Variants in FLNA observed in about 807,000 individuals in gnomAD.
FLNA encodes the protein filamin-A.
FLNA carries 7 observed loss-of-function variants against 157.6 expected under a neutral mutation model. That is an observed-to-expected ratio of 0.04 (90% confidence interval 0.03 to 0.08). FLNA has a LOEUF of 0.08. Among genes scored for constraint, FLNA ranks in the 10% least tolerant of loss-of-function variants. The pLI is 1.00. For synonymous variants in FLNA, 1,103 were observed against 1,060.8 expected, an observed-to-expected ratio of 1.04 and a Z score of -0.77; for missense variants, 1,750 against 2,398.4, an observed-to-expected ratio of 0.73 and a Z score of 5.65.
At chrX:154,355,099 G>C in intron 30 of FLNA, 27 bp from the exon 31 acceptor site, 2 of 1,193,183 alleles carry the variant, frequency 1.7e-6, no homozygotes, top group Admixed American at 2.2e-5. Context: ...GGTCCCCAAA[G>C]GGGGGCCAGC....
At position 154,371,058 on chromosome X, in the gene FLNA, C is replaced by T; in HGVS notation, c.188G>A (p.Arg63His). 2 of 1,204,558 alleles carry T rather than the reference C, an allele frequency of 1.7e-6. No homozygotes were observed. The highest frequency in any genetic ancestry group is 2.2e-6 in the Non-Finnish European group (2 of 891,648). Residue 63 changes from arginine (R) to histidine (H), a missense_variant, in exon 2 of 48, where the codon CGC becomes CAC. This residue lies in a region of FLNA where 71 missense variants were observed against 239.5 expected (regional missense o/e 0.30). Coordinates refer to ENST00000369850, the MANE Select transcript of FLNA (RefSeq NM_001110556.2). Reference sequence around the variant, plus strand: ...CAGGTCCGTCTGCAGGTTGGCGATGCGCTTGCTCACGCACTTCAGGTGCTC... The same window carrying T: ...CAGGTCCGTCTGCAGGTTGGCGATGTGCTTGCTCACGCACTTCAGGTGCTC... ...CNEHLKCVSK[R>H]IANLQTDLSD...
At chrX:154,361,088 A>AAAAAAAAAAAAAAAAAAAAAAAAAAC (rs2067706266) in intron 21 of FLNA, among the ~76,000 whole-genome samples, 1 of 100,923 alleles carries the variant, frequency 9.9e-6, no homozygotes, top group Non-Finnish European at 2.0e-5. Context: ...AAGAAAGAAA[A>AAAAAAAAAAAAAAAAAAAAAAAAAAC]AAAAAAAAAA....
Position 154,352,813 on chromosome X carries a change from T to C in FLNA, c.6338A>G (p.Asn2113Ser), listed in dbSNP as rs1057518479. The C allele has an allele frequency of 9.1e-6, 11 of 1,210,659 alleles. No homozygotes were observed. Among genetic ancestry groups the C allele is most frequent in the Non-Finnish European group, 1.1e-5 (10 of 895,250 alleles). Residue 2113 changes from asparagine (N) to serine (S), a missense_variant, in exon 39 of 48, where the codon AAC becomes AGC. Physicochemically the swap from Asn to Ser is conservative, Grantham distance 46. Coordinates refer to ENST00000369850, the MANE Select transcript of FLNA (RefSeq NM_001110556.2). ...RVTYCPTEPG[N>S]YIINIKFADQ... ...GGCAAACTTGATGTTGATGATGTAG[T>C]TGCCTGGCTCTGTGGGGCAGTAGGT...
chrX:154,357,528 G>A lies in FLNA; in HGVS notation c.4851C>T (p.Thr1617=), dbSNP rs782766492. 2.5e-6 allele frequency: 3 copies of A among 1,211,473 alleles called. No homozygotes were observed. Among genetic ancestry groups the A allele is most frequent in the Non-Finnish European group, 3.4e-6 (3 of 894,813 alleles). Residue 1617 remains threonine (T), a synonymous_variant, in exon 29 of 48, where the codon ACC becomes ACT. Coordinates refer to ENST00000369850, the MANE Select transcript of FLNA (RefSeq NM_001110556.2). ...AYVPDVTGRY[T]ILIKYGGDEI... is the part of the protein sequence containing the mutation. The stretch of plus-strand genomic sequence containing the variant: ...CGTCACCACCGTACTTGATGAGGAT[G>A]GTGTAGCGACCTGTCACGTCTGGCA...
At position 154,365,443 on chromosome X, in the gene FLNA, C is replaced by T. The variant is rs782591557; in HGVS notation, c.1473G>A (p.Gln491=). 3 of 1,210,529 alleles carry T rather than the reference C, an allele frequency of 2.5e-6. No individual in the cohort carries two copies. In the African/African-American group the frequency reaches 5.2e-5, roughly 21 times the overall value. ...TCTCCTTCACCCGCACACCCTTGGG[C>T]TGGAGGCCCCGGCCAACCGCCCGGC... ...SACRAVGRGL[Q]PKGVRVKETA... The change falls in exon 10 of 48, where the codon CAG becomes CAA. Residue 491 remains glutamine, a synonymous_variant. Transcript: ENST00000369850.
chrX:154,357,417 A>G lies in FLNA; in HGVS notation c.4945+17T>C, dbSNP rs1272183359. The G allele has an allele frequency of 8.3e-7, 1 of 1,203,815 alleles. No individual in the cohort carries two copies. The highest frequency in any genetic ancestry group is 1.1e-6 in the Non-Finnish European group (1 of 890,062). On this transcript the variant is annotated intron_variant, in intron 29 of 47. Coordinates refer to ENST00000369850, the MANE Select transcript of FLNA (RefSeq NM_001110556.2). ...CCCGTGCCGAGCGCCGCAGCGGCCA[A>G]CAGCGGGCGGGCTCACCTGTGACAG...
intron 1 of FLNA, among the ~76,000 whole-genome samples, chrX:154,372,887 C>T (rs1293491705): frequency 1.8e-5 from 2 of 112,479 alleles, no homozygotes; most frequent in Admixed American, 1.9e-4. Context: ...TGGGTGTCTA[C>T]ATGACACGTG....
intron 2 of FLNA, among the ~76,000 whole-genome samples, chrX:154,369,632 A>G (rs2067789836): frequency 9.0e-6 from 1 of 111,033 alleles, no homozygotes; most frequent in Admixed American, 9.4e-5. Flanking sequence ...GCCAGCTCAC[A>G]AGGAGGAGGG....
chrX:154,353,818 C>T lies in FLNA; in HGVS notation c.5687-91G>A. 4.2e-6 allele frequency: 5 copies of T among 1,192,448 alleles called. No individual in the cohort carries two copies. In the South Asian group the frequency reaches 7.1e-5, roughly 17 times the overall value. On this transcript the variant is annotated intron_variant, in intron 35 of 47. Coordinates refer to ENST00000369850, the MANE Select transcript of FLNA (RefSeq NM_001110556.2). ...AGCTCCGATGGCCAGGGCAGCAGGG[C>T]AGGGAGCCCCATTCAGGAGTATCTC...
Position 154,351,887 on chromosome X carries a change from G to A in FLNA, c.6904C>T (p.Pro2302Ser), listed in dbSNP as rs201008265. 1 of 1,211,318 alleles carries A rather than the reference G, an allele frequency of 8.3e-7. No homozygotes were observed. Among genetic ancestry groups the A allele is most frequent in the Non-Finnish European group, 1.1e-6 (1 of 895,350 alleles). Residue 2302 changes from proline (P) to serine (S), a missense_variant, in exon 42 of 48, where the codon CCA becomes TCA. Transcript: ENST00000369850. ...SCGVAYVVQE[P>S]GDYEVSVKFN... ...ACCCCAGCCGGGTTCCCAGTACCTG[G>A]CTCCTGGACCACATAAGCCACACCA...
At position 154,359,017 on chromosome X, in the gene FLNA, C is replaced by T. The variant is rs782170730; in HGVS notation, c.4441G>A (p.Ala1481Thr). 4.1e-6 allele frequency: 5 copies of T among 1,210,054 alleles called. No individual in the cohort carries two copies. Among genetic ancestry groups the T allele is most frequent in the African/African-American group, 1.7e-5 (1 of 57,445 alleles). Reference protein sequence around the residue: ...FQVDTSKAGVAPLQVKVQGPK... With the variant: ...FQVDTSKAGVTPLQVKVQGPK... Reference sequence around the variant, plus strand: ...CCTTGCACTTTGACCTGCAATGGGGCCACACCAGCCTTGCTTGTGTCCACC... The same window carrying T: ...CCTTGCACTTTGACCTGCAATGGGGTCACACCAGCCTTGCTTGTGTCCACC... Residue 1481 changes from alanine (A) to threonine (T), a missense_variant, in exon 26 of 48, where the codon GCC becomes ACC. By Grantham distance (58) the Ala-to-Thr change is moderately conservative. This residue lies in a region of FLNA where 970 missense variants were observed against 1,302.6 expected (regional missense o/e 0.74). Coordinates refer to ENST00000369850, the MANE Select transcript of FLNA (RefSeq NM_001110556.2).
At chrX:154,374,247 C>G (rs1201734456) in intron 1 of FLNA, among the ~76,000 whole-genome samples, 2 of 112,855 alleles carry the variant, frequency 1.8e-5, no homozygotes, top group African/African-American at 6.4e-5. Flanking sequence ...TCGGGGACCC[C>G]CCATGGCCTC....
At position 154,354,525 on chromosome X, in the gene FLNA, G is replaced by A. The variant is rs781909924; in HGVS notation, c.5314-42C>T. On this transcript the variant is annotated intron_variant, in intron 32 of 47. Coordinates refer to ENST00000369850, the MANE Select transcript of FLNA (RefSeq NM_001110556.2). ...GGGCATGGGTGAGGGACAGTGGGAG[G>A]ATCTGGGGTCCCTCCTCACACATGG... The A allele has an allele frequency of 3.4e-6, 4 of 1,178,520 alleles. No homozygotes were observed. In the East Asian group the frequency reaches 9.0e-5, roughly 26 times the overall value.
intron 1 of FLNA, among the ~76,000 whole-genome samples, chrX:154,372,336 G>T (rs112592288): frequency 8.8e-6 from 1 of 113,063 alleles, no homozygotes; most frequent in African/African-American, 3.2e-5. Flanking sequence ...GGCCAGGGCA[G>T]GGGGCAAACA....
At chrX:154,359,940 G>A (rs1473903647) in intron 22 of FLNA, 35 bp from the exon 23 acceptor site, 35 of 1,206,488 alleles carry the variant, frequency 2.9e-5, no homozygotes, top group Non-Finnish European at 3.8e-5. Flanking sequence ...TGGGGCTCGG[G>A]GGTTCTGGTC....
rs782618234 is a variant in FLNA, at chrX:154,353,366, C to T, written c.5952G>A (p.Thr1984=). The change falls in exon 37 of 48, where the codon ACG becomes ACA. Residue 1984 remains threonine (T), a synonymous_variant. Transcript: ENST00000369850. ...GGCCCGAGGGCGGGACCACAGTGGCCGTCAGCAGGCTGAGATCCGTCTCTG... is the reference window on the plus strand; with the variant it reads ...GGCCCGAGGGCGGGACCACAGTGGCTGTCAGCAGGCTGAGATCCGTCTCTG... The part of the protein sequence containing the change: ...NISETDLSLL[T]ATVVPPSGRE... 8.3e-6 allele frequency: 10 copies of T among 1,210,573 alleles called. No individual in the cohort carries two copies. In the Admixed American group the frequency reaches 8.7e-5, roughly 11 times the overall value.
rs73638274 is a variant in FLNA, at chrX:154,364,580, G to A, written c.1968C>T (p.Leu656=). 4.1e-3 allele frequency: 4,990 copies of A among 1,209,084 alleles called. 129 individuals are homozygous for A. The African/African-American group carries it at 0.074, about 18-fold the overall frequency. Residue 656 remains leucine, a synonymous_variant, in exon 13 of 48, where the codon CTC becomes CTT. Coordinates refer to ENST00000369850, the MANE Select transcript of FLNA (RefSeq NM_001110556.2). ...CACGGATGTCAGCCATGAAGGGGCT[G>A]AGGCGGATGTCTTCGCTGTTGCACA... ...HVLCNSEDIR[L]SPFMADIRDA...
In FLNA at chrX:154,349,881, A is replaced by G. The variant is rs1557175405; in HGVS notation, c.7334-14T>C. ...CAGCTGGGTTCCCTGGGAGCACAGG[A>G]GGTCAGGCAGAGCCAGACTGGCCTG... On this transcript the variant is annotated splice_polypyrimidine_tract_variant and intron_variant, in intron 45 of 47. Transcript: ENST00000369850. 1 of 1,205,499 alleles carries G rather than the reference A, an allele frequency of 8.3e-7. No individual in the cohort carries two copies. The highest frequency in any genetic ancestry group is 1.8e-5 in the South Asian group (1 of 56,860).
At chrX:154,349,337 T>C in intron 47 of FLNA, 25 bp downstream of exon 47, 4 of 1,195,929 alleles carry the variant, frequency 3.3e-6, no homozygotes, top group Non-Finnish European at 3.4e-6. Flanking sequence ...GGTGGGAAGG[T>C]GGGCCGGGGG....
Sources: allele counts gnomAD v4.1 joint callset (sites outside exome capture counted in the v4.1 genomes callset), GRCh38; gene constraint gnomAD v4.1.1; regional missense constraint gnomAD v4.1.1; transcripts MANE v1.5; gene names NCBI Gene and HGNC (gene_info 2026-07-23, HGNC 2026-07-21).